Variants in MALRD1 observed in about 807,000 individuals in gnomAD.
MALRD1 encodes the protein MAM and LDL receptor class A domain containing 1.
In MALRD1, 247 loss-of-function variants were observed where a neutral mutation model predicts 242.1. The observed-to-expected ratio is 1.02, with a 90% CI of 0.92 to 1.13. The LOEUF (loss-of-function observed/expected upper bound fraction) is 1.13. Ranked by LOEUF, MALRD1 falls within the 50% of genes most tolerant of loss-of-function variation. The pLI is 0.00. For missense variants in MALRD1, 2,989 were observed against 2,533.1 expected, an observed-to-expected ratio of 1.18 and a Z score of -3.86; for synonymous variants, 995 against 866.6, an observed-to-expected ratio of 1.15 and a Z score of -2.60.
intron 1 of MALRD1, among the ~76,000 whole-genome samples, chr10:19,057,950 T>A (rs1170734925): frequency 3.9e-5 from 6 of 152,212 alleles, no homozygotes; most frequent in African/African-American, 1.4e-4. Context: ...ATGTGTAATA[T>A]ATTTAACAAA....
At chr10:19,157,994 A>G (rs1458155459) in intron 12 of MALRD1, among the ~76,000 whole-genome samples, 1 of 152,196 alleles carries the variant, frequency 6.6e-6, no homozygotes, top group Non-Finnish European at 1.5e-5. Flanking sequence ...GCAGACTTTA[A>G]TTTATGCTTC....
At chr10:19,422,530 A>G (rs994444117) in intron 28 of MALRD1, among the ~76,000 whole-genome samples, 2 of 152,196 alleles carry the variant, frequency 1.3e-5, no homozygotes, top group East Asian at 3.9e-4. Flanking sequence ...TTGTTTGTGC[A>G]TAGAGTAGTA....
At chr10:19,057,098 A>G (rs544122229) in intron 1 of MALRD1, among the ~76,000 whole-genome samples, 3 of 152,324 alleles carry the variant, frequency 2.0e-5, no homozygotes, top group Non-Finnish European at 4.4e-5. Context: ...AAATGTTTGC[A>G]TCTGTGTTCA....
chr10:19,380,627 A>C (rs1353003965), intron 26 of MALRD1, among the ~76,000 whole-genome samples: 1 of 152,074 alleles, frequency 6.6e-6, no homozygotes, highest in East Asian at 1.9e-4. Flanking sequence ...GTCCATACAT[A>C]ATATTATAAG....
chr10:19,414,113 C>A (rs1485166957), intron 28 of MALRD1, among the ~76,000 whole-genome samples: 1 of 151,312 alleles, frequency 6.6e-6, no homozygotes, highest in Non-Finnish European at 1.5e-5. Flanking sequence ...CAGTAAGGTT[C>A]TCTTAGTTAT....
chr10:19,662,517 C>T (rs1214376961), intron 36 of MALRD1, among the ~76,000 whole-genome samples: 1 of 152,088 alleles, frequency 6.6e-6, no homozygotes, highest in Non-Finnish European at 1.5e-5. Context: ...AGGACTCTCC[C>T]ACTCTTAAAA....
chr10:19,488,372 C>T (rs1367587754), intron 29 of MALRD1, among the ~76,000 whole-genome samples: 1 of 152,022 alleles, frequency 6.6e-6, no homozygotes, highest in Non-Finnish European at 1.5e-5. Flanking sequence ...GGGGGACAGC[C>T]AGCCATGTAT....
chr10:19,385,744 C>T (rs946117808), intron 26 of MALRD1, among the ~76,000 whole-genome samples: 1 of 151,778 alleles, frequency 6.6e-6, no homozygotes, highest in South Asian at 2.1e-4. Flanking sequence ...ATGTTCTAAT[C>T]TTTATAATTA....
chr10:19,481,963 A>G (rs1006351395), intron 29 of MALRD1, among the ~76,000 whole-genome samples: 3 of 152,070 alleles, frequency 2.0e-5, no homozygotes, highest in Non-Finnish European at 4.4e-5. Flanking sequence ...GGTGAGAGCT[A>G]TCTCAATATT....
intron 36 of MALRD1, among the ~76,000 whole-genome samples, chr10:19,656,711 G>T (rs539157336): frequency 3.0e-4 from 45 of 152,148 alleles, no homozygotes; most frequent in African/African-American, 1.0e-3. Flanking sequence ...CTGTATACCT[G>T]CTTTATGAGT....
chr10:19,334,393 T>C (rs552212081), intron 24 of MALRD1, among the ~76,000 whole-genome samples: 2 of 151,944 alleles, frequency 1.3e-5, no homozygotes, highest in African/African-American at 4.8e-5. Context: ...CTATCACTTT[T>C]GTGTATAACT....
rs1383844204 is a variant in MALRD1 at position 19,719,237 on chromosome 10, T to C, written c.6315-11469T>C. Among the ~76,000 whole-genome samples, 81 of 124,890 alleles carry C rather than the reference T, an allele frequency of 6.5e-4. 2 individuals carry two copies. The highest frequency in any genetic ancestry group is 2.3e-3 in the African/African-American group (74 of 31,742). The allele number at this position is 124,890 out of a possible 152,430, so 81.9% of individuals were successfully genotyped here. The stretch of plus-strand genomic sequence containing the variant: ...ACACATACATACATATATATATATA[T>C]ATATATATATATATATATATATGCT... On this transcript the variant is annotated intron_variant, in intron 38 of 39. Transcript: ENST00000454679.
At chr10:19,422,459 G>C (rs559168737) in intron 28 of MALRD1, among the ~76,000 whole-genome samples, 3 of 152,218 alleles carry the variant, frequency 2.0e-5, no homozygotes, top group African/African-American at 7.2e-5. Context: ...AAAACCTGAA[G>C]GCTAGTTAGA....
At chr10:19,713,014 A>G (rs532619420) in intron 38 of MALRD1, among the ~76,000 whole-genome samples, 2 of 147,848 alleles carry the variant, frequency 1.4e-5, no homozygotes, top group South Asian at 2.2e-4. Context: ...GTAAAATATA[A>G]TAAAAATAAT....
chr10:19,237,937 TAC>T (rs1257356469), intron 18 of MALRD1, among the ~76,000 whole-genome samples: 911 of 30,316 alleles, frequency 0.03, 95 homozygotes, highest in African/African-American at 0.14. Context: ...TGTAATTTTA[TAC>T]AGTTATATAA....
chr10:19,696,979 C>A (rs181158965), intron 38 of MALRD1, among the ~76,000 whole-genome samples: 1 of 152,046 alleles, frequency 6.6e-6, no homozygotes, highest in Admixed American at 6.6e-5. Flanking sequence ...CTACAATATG[C>A]TAGACAACAT....
intron 38 of MALRD1, among the ~76,000 whole-genome samples, chr10:19,717,989 A>C (rs1439986569): frequency 6.6e-6 from 1 of 150,954 alleles, no homozygotes; most frequent in Admixed American, 6.6e-5. Flanking sequence ...TGCACTCCAG[A>C]GAGATTCTAC....
intron 4 of MALRD1, 24 bp from the exon 5 acceptor site, chr10:19,103,955 T>C (rs1836373950): frequency 5.8e-6 from 7 of 1,215,926 alleles, no homozygotes; most frequent in Non-Finnish European, 7.2e-6. Flanking sequence ...TTTTGTTTTG[T>C]TTTGTTTTGT....
At chr10:19,494,036 C>A (rs1837609566) in intron 30 of MALRD1, among the ~76,000 whole-genome samples, 1 of 152,106 alleles carries the variant, frequency 6.6e-6, no homozygotes, top group African/African-American at 2.4e-5. Context: ...CCCACACATT[C>A]AGGGCATTAA....
Sources: gnomAD v4.1 joint callset for allele counts (sites outside exome capture counted in the v4.1 genomes callset) on GRCh38, gnomAD v4.1.1 for gene constraint, MANE v1.5 for transcripts, NCBI Gene and HGNC (gene_info 2026-07-23, HGNC 2026-07-21) for gene names.